The following STAB2 variants were observed in gnomAD, a reference collection of about 807,000 sequenced individuals.
STAB2 encodes the protein stabilin 2.
In STAB2, 288 loss-of-function variants were observed where a neutral mutation model predicts 338.1. The ratio of observed to expected loss-of-function variants is 0.85; its 90% confidence interval spans 0.77 to 0.94. The LOEUF is 0.94. Ranked by LOEUF, STAB2 falls within the 40% of genes least tolerant of loss-of-function variation. The probability of loss-of-function intolerance (pLI) is 0.00; values close to 1 mark genes in which losing one functional copy is unlikely to be tolerated. For synonymous variants in STAB2, 1,202 were observed against 1,193.3 expected (o/e 1.01, Z -0.15); for missense variants, 3,141 against 3,210.1 (o/e 0.98, Z 0.52).
At position 103,757,020 on chromosome 12, in the gene STAB2, TATATATATATAA is replaced by T. The variant is rs1476162263; in HGVS notation, c.6988-1148_6988-1137del. ...AAATATATATATATATATATATATA[TATATATATATAA>T]AATATATATATTAAAGTATGTAAAT... On this transcript the variant is annotated intron_variant, in intron 63 of 68. Transcript: ENST00000388887. Among the ~76,000 whole-genome samples the T allele has an allele frequency of 5.3e-3, 687 of 128,854 alleles. 3 individuals are homozygous for T. The highest frequency in any genetic ancestry group is 0.018 in the African/African-American group (646 of 35,092). 84.5% of individuals were successfully genotyped at this position (128,854 alleles called of 152,430 possible).
At chr12:103,674,569 C>A (rs1006485463) in intron 23 of STAB2, among the ~76,000 whole-genome samples, 5 of 152,196 alleles carry the variant, frequency 3.3e-5, no homozygotes, top group African/African-American at 1.2e-4. Context: ...TTAATAATTG[C>A]TCCCCTGTTA....
chr12:103,597,808 A>C (rs1956899174), intron 3 of STAB2, among the ~76,000 whole-genome samples: 1 of 152,148 alleles, frequency 6.6e-6, no homozygotes, highest in Non-Finnish European at 1.5e-5. Context: ...CATGAACGTT[A>C]ATGGATTTGT....
At chr12:103,737,604 C>CT in intron 52 of STAB2, 30 bp from the exon 53 acceptor site, 4 of 1,054,096 alleles carry the variant, frequency 3.8e-6, no homozygotes, top group East Asian at 3.7e-5. Flanking sequence ...CTCTCTCTTT[C>CT]TCTTTTTTTT....
At chr12:103,765,177 A>G (rs1255007931) in intron 68 of STAB2, among the ~76,000 whole-genome samples, 2 of 151,678 alleles carry the variant, frequency 1.3e-5, no homozygotes, top group East Asian at 3.9e-4. Flanking sequence ...AATCACCTTC[A>G]TTTAAAAAGC....
chr12:103,662,848 A>C lies in STAB2; in HGVS notation c.1872A>C (p.Gly624=), dbSNP rs1874739792. ...QLIQFNTTDN[G]QILANDVAME... ...GAGATGTCATTTTTTCTTTCCAGGG[A>C]CAGATTCTGGCAAATGATGTGGCAA... The change falls in exon 18 of 69, where the codon GGA becomes GGC. Residue 624 remains glycine, a splice_region_variant and synonymous_variant. Transcript: ENST00000388887. 3.7e-6 allele frequency: 6 copies of C among 1,613,926 alleles called. No homozygotes were observed. Among genetic ancestry groups the C allele is most frequent in the Non-Finnish European group, 5.1e-6 (6 of 1,179,988 alleles).
intron 15 of STAB2, among the ~76,000 whole-genome samples, chr12:103,656,422 C>T (rs556035028): frequency 6.6e-6 from 1 of 152,280 alleles, no homozygotes; most frequent in African/African-American, 2.4e-5. Flanking sequence ...AGACAGAAAC[C>T]ATCCATGGAG....
At chr12:103,666,422 T>C (rs759508122) in intron 19 of STAB2, 69 bp downstream of exon 19, 96 of 1,498,302 alleles carry the variant, frequency 6.4e-5, no homozygotes, top group Non-Finnish European at 8.5e-5. Flanking sequence ...TCTCAACCTA[T>C]CTACCTTCCT....
chr12:103,735,289 C>A, intron 51 of STAB2, among the ~76,000 whole-genome samples: 1 of 152,204 alleles, frequency 6.6e-6, no homozygotes, highest in South Asian at 2.1e-4. Context: ...TCAACTCTTT[C>A]CCTCAAGAAG....
Position 103,740,692 on chromosome 12 carries a change from G to C in STAB2, c.5817G>C (p.Glu1939Asp), listed in dbSNP as rs1882511716. The change falls in exon 55 of 69, where the codon GAG becomes GAC. Residue 1939 changes from glutamate to aspartate, a missense_variant. Glu to Asp is a conservative substitution (Grantham distance 45, BLOSUM62 2). Transcript: ENST00000388887. The stretch of plus-strand genomic sequence containing the variant: ...AGAGGAACCTGGAAGGCTGCCGGGA[G>C]CGGTGCAGCCTGGTGATACAGATCC... ...PFKRNLEGCRERCSLVIQIPR... is the reference protein window; with the variant it reads ...PFKRNLEGCRDRCSLVIQIPR... 6.2e-7 allele frequency: 1 copy of C among 1,611,292 alleles called. No individual in the cohort carries two copies. The highest frequency in any genetic ancestry group is 8.5e-7 in the Non-Finnish European group (1 of 1,178,992).
chr12:103,633,397 A>G (rs1015227916), intron 6 of STAB2, among the ~76,000 whole-genome samples: 8 of 152,236 alleles, frequency 5.3e-5, no homozygotes, highest in Non-Finnish European at 1.0e-4. Context: ...AAGAAATGAA[A>G]ACAGGCCGGG....
intron 3 of STAB2, among the ~76,000 whole-genome samples, chr12:103,614,594 T>C (rs1197232551): frequency 6.6e-6 from 1 of 152,192 alleles, no homozygotes; most frequent in Non-Finnish European, 1.5e-5. Context: ...TTCTGTTGTT[T>C]CTAGGCAAGT....
intron 18 of STAB2, 90 bp from the exon 19 acceptor site, chr12:103,666,201 A>T: frequency 7.7e-7 from 1 of 1,290,800 alleles, no homozygotes; most frequent in Non-Finnish European, 1.1e-6. Flanking sequence ...TTTCCTTCAC[A>T]GGGAGGGAAG....
intron 19 of STAB2, among the ~76,000 whole-genome samples, chr12:103,667,527 CAGGGAAAGAGAAGGAAG>C (rs1875241348): frequency 6.7e-6 from 1 of 150,048 alleles, no homozygotes; most frequent in African/African-American, 2.5e-5. Context: ...TGTCTCAGCC[CAGGGAAAGAGAAGGAAG>C]AGGGAAAAGA....
At chr12:103,592,994 A>T (rs2138533814) in intron 2 of STAB2, among the ~76,000 whole-genome samples, 1 of 152,248 alleles carries the variant, frequency 6.6e-6, no homozygotes, top group East Asian at 1.9e-4. Context: ...AAGTTACAAG[A>T]TTTCCTTCTT....
chr12:103,652,810 A>G (rs1182572144), intron 12 of STAB2, 105 bp downstream of exon 12: 15 of 1,324,746 alleles, frequency 1.1e-5, no homozygotes, highest in South Asian at 1.9e-5. Context: ...AATTACAAGG[A>G]AATTCTTTCC....
rs149976903 is a variant in STAB2, at chr12:103,745,763, C to T, written c.6136+486C>T. Among the ~76,000 whole-genome samples the T allele has an allele frequency of 5.6e-3, 849 of 152,312 alleles. 10 individuals carry two copies. Among genetic ancestry groups the T allele is most frequent in the African/African-American group, 0.019 (801 of 41,564 alleles). On this transcript the variant is annotated intron_variant, in intron 57 of 68. Transcript: ENST00000388887. ...GAACTCCATGCTACACATTCTGCAA[C>T]GCAAGGATTGCTGGCAGGGTCAGCG... is the stretch of plus-strand genomic sequence containing the variant.
intron 25 of STAB2, among the ~76,000 whole-genome samples, chr12:103,680,396 C>T (rs1876792155): frequency 6.6e-6 from 1 of 152,164 alleles, no homozygotes. Flanking sequence ...GATCTAGCTG[C>T]TGGTACAACA....
chr12:103,681,221 A>G (rs573926973), intron 25 of STAB2, among the ~76,000 whole-genome samples: 1 of 152,246 alleles, frequency 6.6e-6, no homozygotes, highest in South Asian at 2.1e-4. Flanking sequence ...CTGCAGTCTT[A>G]TGTCTTGCCA....
chr12:103,645,475 C>T (rs1873262844), intron 9 of STAB2, among the ~76,000 whole-genome samples: 1 of 152,198 alleles, frequency 6.6e-6, no homozygotes. Context: ...GAAACTTTTA[C>T]AGAGAAACAT....
Sources: gnomAD v4.1 joint callset for allele counts (sites outside exome capture counted in the v4.1 genomes callset) on GRCh38, gnomAD v4.1.1 for gene constraint, MANE v1.5 for transcripts, NCBI Gene and HGNC (gene_info 2026-07-23, HGNC 2026-07-21) for gene names.